NDUFAF2: variants seen among roughly 807,000 people sequenced by gnomAD.
NDUFAF2 encodes the protein NADH dehydrogenase [ubiquinone] 1 alpha subcomplex assembly factor 2.
In NDUFAF2, 13 loss-of-function variants were observed where a neutral mutation model predicts 22.8. The observed-to-expected ratio is 0.57, with a 90% CI of 0.37 to 0.91. The LOEUF is 0.91. Ranked by LOEUF, NDUFAF2 falls within the 40% of genes least tolerant of loss-of-function variation. NDUFAF2 has a pLI of 0.01. For synonymous variants in NDUFAF2, 53 were observed against 64.2 expected, an observed-to-expected ratio of 0.83 and a Z score of 0.84; for missense variants, 162 against 195.2, an observed-to-expected ratio of 0.83 and a Z score of 1.01.
chr5:61,148,325 G>T (rs1419921070), intron 3 of NDUFAF2, among the ~76,000 whole-genome samples: 1 of 152,162 alleles, frequency 6.6e-6, no homozygotes, highest in African/African-American at 2.4e-5. Context: ...TCCAGTATCT[G>T]AAAAATGTAT....
chr5:61,132,227 C>T (rs192690), intron 3 of NDUFAF2, among the ~76,000 whole-genome samples: 5 of 152,158 alleles, frequency 3.3e-5, no homozygotes, highest in Non-Finnish European at 7.3e-5. Flanking sequence ...TGCCATCTCT[C>T]GAGGATTTAG....
intron 3 of NDUFAF2, among the ~76,000 whole-genome samples, chr5:61,109,424 A>G (rs926263787): frequency 3.9e-5 from 6 of 152,156 alleles, no homozygotes; most frequent in African/African-American, 1.4e-4. Flanking sequence ...TTCCTTTTCA[A>G]TTTGGATGAC....
intron 1 of NDUFAF2, among the ~76,000 whole-genome samples, chr5:60,979,141 T>C (rs1750942705): frequency 6.6e-6 from 1 of 152,202 alleles, no homozygotes; most frequent in South Asian, 2.1e-4. Flanking sequence ...CCTTGGGCCC[T>C]GAATAATCAG....
At chr5:60,985,030 G>C (rs768679184) in intron 1 of NDUFAF2, among the ~76,000 whole-genome samples, 2 of 151,760 alleles carry the variant, frequency 1.3e-5, no homozygotes, top group Non-Finnish European at 3.0e-5. Flanking sequence ...GTCCTGGACT[G>C]TTTTTGGTTG....
intron 1 of NDUFAF2, among the ~76,000 whole-genome samples, chr5:61,011,836 A>G (rs1391048537): frequency 6.6e-6 from 1 of 152,080 alleles, no homozygotes. Context: ...CCCGAACTCA[A>G]TGCCTGGCAC....
chr5:61,086,017 C>G lies in NDUFAF2; in HGVS notation c.217+12803C>G, dbSNP rs1289909958. Among the ~76,000 whole-genome samples, 3 of 151,744 alleles carry G rather than the reference C, an allele frequency of 2.0e-5. No homozygotes were observed. The East Asian group carries it at 5.8e-4, about 29-fold the overall frequency. ...GTAGTCTTTCCAGCCTACTCAAGAG[C>G]CTGAGATGGGAGAATCACTTGAGCC... On this transcript the variant is annotated intron_variant, in intron 2 of 3. Transcript: ENST00000296597.
chr5:61,137,225 C>T (rs1740974559), intron 3 of NDUFAF2, among the ~76,000 whole-genome samples: 1 of 152,192 alleles, frequency 6.6e-6, no homozygotes, highest in Non-Finnish European at 1.5e-5. Flanking sequence ...TGGCTTCAGC[C>T]ACTACATATA....
chr5:61,040,232 C>G (rs182343305), intron 1 of NDUFAF2, among the ~76,000 whole-genome samples: 1 of 144,098 alleles, frequency 6.9e-6, no homozygotes, highest in African/African-American at 2.5e-5. Context: ...TGACTGGTAT[C>G]TTTATAGGAA....
chr5:61,030,330 A>C (rs1223908112), intron 1 of NDUFAF2, among the ~76,000 whole-genome samples: 3 of 152,116 alleles, frequency 2.0e-5, no homozygotes, highest in Non-Finnish European at 2.9e-5. Flanking sequence ...AGGGAACCTT[A>C]TCAGCTCTTT....
intron 3 of NDUFAF2, among the ~76,000 whole-genome samples, chr5:61,128,964 C>A (rs1579845464): frequency 6.6e-6 from 1 of 151,828 alleles, no homozygotes; most frequent in East Asian, 1.9e-4. Context: ...AAAAAAACAA[C>A]CCCATCAAAA....
At chr5:61,151,643 T>G (rs1741241129) in intron 3 of NDUFAF2, among the ~76,000 whole-genome samples, 1 of 152,130 alleles carries the variant, frequency 6.6e-6, no homozygotes, top group Non-Finnish European at 1.5e-5. Context: ...CTGGGTGTGG[T>G]GGCACATGCC....
At chr5:61,108,516 G>T (rs1226172788) in intron 3 of NDUFAF2, among the ~76,000 whole-genome samples, 1 of 151,330 alleles carries the variant, frequency 6.6e-6, no homozygotes, top group Admixed American at 6.6e-5. Flanking sequence ...AGCTTATGGG[G>T]TATTTCTCAA....
At chr5:61,060,284 T>C (rs16878537) in intron 1 of NDUFAF2, among the ~76,000 whole-genome samples, 4,994 of 152,266 alleles carry the variant, frequency 0.033, 302 homozygotes, top group African/African-American at 0.11. Context: ...AGAATTCCTA[T>C]TTTAGTGCTC....
chr5:60,986,024 A>C (rs547150553), intron 1 of NDUFAF2, among the ~76,000 whole-genome samples: 1 of 152,146 alleles, frequency 6.6e-6, no homozygotes, highest in East Asian at 1.9e-4. Flanking sequence ...AAGAAAAGGG[A>C]CCCCATGTAC....
At chr5:61,026,750 C>T (rs1448222267) in intron 1 of NDUFAF2, among the ~76,000 whole-genome samples, 1 of 151,912 alleles carries the variant, frequency 6.6e-6, no homozygotes, top group Non-Finnish European at 1.5e-5. Flanking sequence ...AACAAGTTAC[C>T]TTTTCAAGGA....
intron 1 of NDUFAF2, among the ~76,000 whole-genome samples, chr5:61,010,779 G>C (rs967865705): frequency 2.6e-5 from 4 of 151,982 alleles, no homozygotes; most frequent in African/African-American, 9.7e-5. Flanking sequence ...CACTACATTC[G>C]CTCTTTTCTG....
At chr5:60,972,168 C>T (rs925388562) in intron 1 of NDUFAF2, among the ~76,000 whole-genome samples, 4 of 151,832 alleles carry the variant, frequency 2.6e-5, no homozygotes, top group African/African-American at 9.7e-5. Flanking sequence ...GTTTCAAACT[C>T]CTGACCTCGT....
chr5:61,116,566 A>G (rs1752914478), intron 3 of NDUFAF2: 1 of 152,236 alleles, frequency 6.6e-6, no homozygotes. Flanking sequence ...TAGTAATACT[A>G]GAAGCTAGAA....
intron 1 of NDUFAF2, among the ~76,000 whole-genome samples, chr5:61,051,762 C>T (rs1263346765): frequency 6.6e-6 from 1 of 151,998 alleles, no homozygotes; most frequent in African/African-American, 2.4e-5. Flanking sequence ...AGATTGAAGA[C>T]TCAAAGATAG....
Sources: allele counts gnomAD v4.1 joint callset (sites outside exome capture counted in the v4.1 genomes callset), GRCh38; gene constraint gnomAD v4.1.1; transcripts MANE v1.5; gene names NCBI Gene and HGNC (gene_info 2026-07-23, HGNC 2026-07-21).